The following IL7 variants were observed in gnomAD, a reference collection of about 807,000 sequenced individuals.
IL7 encodes interleukin-7.
IL7 carries 3 observed loss-of-function variants against 21.6 expected under a neutral mutation model. That is an observed-to-expected ratio of 0.14 (90% CI 0.06 to 0.36). IL7 has a LOEUF of 0.36. IL7 is among the 10% of genes least tolerant of loss of function. IL7 has a pLI of 1.00. For missense variants in IL7, 175 were observed against 200.2 expected (o/e 0.87, Z 0.76); for synonymous variants, 62 against 68.1 (o/e 0.91, Z 0.44).
chr8:78,790,921 C>CAA (rs35799851), intron 2 of IL7, among the ~76,000 whole-genome samples: 9 of 138,900 alleles, frequency 6.5e-5, no homozygotes, highest in Non-Finnish European at 1.3e-4. Context: ...AAAACAATCT[C>CAA]AAAAAAAAAA....
rs1355892040 is a variant in IL7 at position 78,792,651 on chromosome 8, C to A, written c.147+5421G>T. 3.3e-5 allele frequency among the ~76,000 whole-genome samples: 5 copies of A among 151,932 alleles called. No individual in the cohort carries two copies. The East Asian group carries it at 7.7e-4, about 23-fold the overall frequency. ...CTCCAAAAGAAGATATATAAAATGG[C>A]TGATAATAACAGCCAATAATGAAAA... On this transcript the variant is annotated intron_variant, in intron 2 of 5. Transcript: ENST00000263851.
chr8:78,692,752 CTTTAGT>C (rs1482164183), intron 3 of IL7, among the ~76,000 whole-genome samples: 1 of 151,944 alleles, frequency 6.6e-6, no homozygotes, highest in Non-Finnish European at 1.5e-5. Flanking sequence ...TAGTAGTATA[CTTTAGT>C]TTTAGGGTAC....
chr8:78,781,463 C>T (rs1431616565), intron 2 of IL7, among the ~76,000 whole-genome samples: 2 of 152,122 alleles, frequency 1.3e-5, no homozygotes, highest in African/African-American at 4.8e-5. Context: ...TTTTATTTCT[C>T]CTTTGCTTAT....
intron 2 of IL7, among the ~76,000 whole-genome samples, chr8:78,768,350 A>T (rs1812829749): frequency 6.6e-6 from 1 of 151,528 alleles, no homozygotes; most frequent in South Asian, 2.1e-4. Flanking sequence ...CGCCACACTG[A>T]CTTCCACAAT....
chr8:78,735,276 C>CT, intron 5 of IL7, among the ~76,000 whole-genome samples: 48,360 of 79,640 alleles, frequency 0.61, 12,684 homozygotes, highest in East Asian at 0.72. Context: ...CTTTTCTTTT[C>CT]TTTTTTTTTT....
At chr8:78,784,256 C>T (rs935481717) in intron 2 of IL7, among the ~76,000 whole-genome samples, 1 of 152,096 alleles carries the variant, frequency 6.6e-6, no homozygotes, top group Admixed American at 6.5e-5. Context: ...CATTCTGCCA[C>T]GTGAAGATAT....
intron 3 of IL7, among the ~76,000 whole-genome samples, chr8:78,739,754 G>A (rs1004961687): frequency 7.3e-5 from 11 of 151,562 alleles, no homozygotes; most frequent in African/African-American, 1.7e-4. Context: ...CTTTGAATTC[G>A]ACAATTCTAG....
chr8:78,762,391 C>T (rs1812597628), intron 2 of IL7: 1 of 1,612,024 alleles, frequency 6.2e-7, no homozygotes, highest in Admixed American at 1.7e-5. Flanking sequence ...GGACTGCGTG[C>T]TCTTCCGCGT....
intron 2 of IL7, among the ~76,000 whole-genome samples, chr8:78,749,443 T>A (rs1354404161): frequency 1.3e-5 from 2 of 150,772 alleles, no homozygotes; most frequent in African/African-American, 4.9e-5. Context: ...AGAAGTGAGG[T>A]CACAGGGCAA....
At chr8:78,732,480 T>C (rs967477035), downstream of IL7, among the ~76,000 whole-genome samples, 1 of 152,086 alleles carries the variant, frequency 6.6e-6, no homozygotes, top group African/African-American at 2.4e-5. Flanking sequence ...TGAGAGAGCA[T>C]GAAGGATGTG....
chr8:78,777,599 A>T (rs893411525), intron 2 of IL7, among the ~76,000 whole-genome samples: 2 of 151,928 alleles, frequency 1.3e-5, no homozygotes, highest in Non-Finnish European at 2.9e-5. Context: ...TCAATCTTTG[A>T]GTTTTCCATT....
intron 2 of IL7, among the ~76,000 whole-genome samples, chr8:78,750,221 A>G (rs569277678): frequency 6.6e-6 from 1 of 151,940 alleles, no homozygotes; most frequent in East Asian, 1.9e-4. Context: ...GCCCTGTACC[A>G]CCTAAGGAGG....
intron 3 of IL7, among the ~76,000 whole-genome samples, chr8:78,703,026 A>T (rs1038342669): frequency 2.0e-5 from 3 of 152,114 alleles, no homozygotes; most frequent in African/African-American, 7.2e-5. Context: ...CCTCTCGAGC[A>T]GCTGGGATTA....
chr8:78,804,785 T>C, intron 1 of IL7, 128 bp downstream of exon 1: 2 of 1,033,114 alleles, frequency 1.9e-6, no homozygotes, highest in Admixed American at 2.1e-5. Context: ...GCCAGTGCTC[T>C]CCGCAGGTCC....
chr8:78,740,379 G>A (rs932061103), intron 2 of IL7, among the ~76,000 whole-genome samples: 3 of 152,124 alleles, frequency 2.0e-5, no homozygotes, highest in Admixed American at 6.5e-5. Context: ...TATTTTAGAA[G>A]TTATGCTTTA....
chr8:78,732,066 A>G (rs767398542), downstream of IL7, among the ~76,000 whole-genome samples: 3 of 152,200 alleles, frequency 2.0e-5, no homozygotes, highest in East Asian at 1.9e-4. Flanking sequence ...TGGTTTACCA[A>G]TATCTCCAGT....
chr8:78,803,497 A>T (rs1814164507), intron 1 of IL7, among the ~76,000 whole-genome samples: 1 of 152,238 alleles, frequency 6.6e-6, no homozygotes, highest in Non-Finnish European at 1.5e-5. Context: ...AACAAACTTC[A>T]GGAAGCCATG....
chr8:78,711,004 G>T (rs1173441190), intron 3 of IL7, among the ~76,000 whole-genome samples: 1 of 152,084 alleles, frequency 6.6e-6, no homozygotes, highest in East Asian at 1.9e-4. Context: ...ACAGGTATCA[G>T]ATCTATCTTA....
chr8:78,716,606 C>T (rs1295916837), downstream of IL7, among the ~76,000 whole-genome samples: 3 of 152,144 alleles, frequency 2.0e-5, no homozygotes, highest in Admixed American at 1.3e-4. Flanking sequence ...CTCTATCTTT[C>T]CTCATGGTTG....
Sources: gnomAD v4.1 joint callset for allele counts (sites outside exome capture counted in the v4.1 genomes callset) on GRCh38, gnomAD v4.1.1 for gene constraint, MANE v1.5 for transcripts, NCBI Gene and HGNC (gene_info 2026-07-23, HGNC 2026-07-21) for gene names.